The following PPFIA2 variants were observed in gnomAD, a reference collection of about 807,000 sequenced individuals.
The protein encoded by PPFIA2 is PPFI scaffold protein A2, also known as liprin-alpha-2.
Under a neutral mutation model 175.5 loss-of-function variants are expected in PPFIA2, and 46 were observed. The ratio of observed to expected loss-of-function variants is 0.26; its 90% confidence interval spans 0.21 to 0.34. PPFIA2 has a LOEUF of 0.34. Among genes scored for constraint, PPFIA2 ranks in the 10% least tolerant of loss-of-function variants. The pLI, the probability that PPFIA2 is intolerant of heterozygous loss-of-function variation, is 1.00. For missense variants in PPFIA2, 1,179 were observed against 1,506.1 expected (o/e 0.78, Z 3.60); for synonymous variants, 568 against 511.4 (o/e 1.11, Z -1.49).
At chr12:81,635,987 GTATT>G (rs573082461) in intron 4 of PPFIA2, among the ~76,000 whole-genome samples, 5 of 152,082 alleles carry the variant, frequency 3.3e-5, no homozygotes, top group African/African-American at 1.2e-4. Flanking sequence ...TCTTGTATTA[GTATT>G]TATTTATGCA....
Position 81,374,663 on chromosome 12 carries a change from G to T in PPFIA2, c.1237C>A (p.Leu413Met). Residue 413 changes from leucine (L) to methionine (M), a missense_variant, in exon 11 of 33, where the codon CTG (leucine) becomes ATG (methionine). By Grantham distance (15) the Leu-to-Met change is conservative (BLOSUM62 2). This residue lies in a region of PPFIA2 where 66 missense variants were observed against 129.4 expected (regional missense o/e 0.51). Transcript: ENST00000549396. ...AETLPEVEAELAQRIAALTKA... is the reference protein window; with the variant it reads ...AETLPEVEAEMAQRIAALTKA... The stretch of plus-strand genomic sequence containing the variant: ...GTTAGGGCTGCAATTCTCTGAGCCA[G>T]TTCAGCCTCTACTTCAGGCAAGGTT... 1 of 1,613,338 alleles carries T rather than the reference G, an allele frequency of 6.2e-7. No individual in the cohort carries two copies. The highest frequency in any genetic ancestry group is 8.5e-7 in the Non-Finnish European group (1 of 1,179,534).
intron 4 of PPFIA2, among the ~76,000 whole-genome samples, chr12:81,466,904 T>G (rs1332032086): frequency 6.8e-6 from 1 of 147,314 alleles, no homozygotes; most frequent in South Asian, 2.1e-4. Flanking sequence ...AAATATAATA[T>G]ATAATAAATA....
chr12:81,621,565 C>T (rs1408031287), intron 4 of PPFIA2, among the ~76,000 whole-genome samples: 1 of 152,052 alleles, frequency 6.6e-6, no homozygotes, highest in Non-Finnish European at 1.5e-5. Flanking sequence ...GCTAGTTGGC[C>T]ATGTAGATGA....
intron 3 of PPFIA2, among the ~76,000 whole-genome samples, chr12:81,700,982 T>C (rs1241140834): frequency 6.6e-6 from 1 of 152,052 alleles, no homozygotes; most frequent in Non-Finnish European, 1.5e-5. Context: ...GTTTGGAAGA[T>C]AAAGAAGAAA....
chr12:81,294,666 T>C (rs1437334726), intron 24 of PPFIA2, 169 bp downstream of exon 24: 2 of 656,780 alleles, frequency 3.0e-6, no homozygotes, highest in South Asian at 3.8e-5. Context: ...AGTTCCTCAT[T>C]TGAAAACCTA....
rs745858903 is a variant in PPFIA2 at position 81,368,718 on chromosome 12, G to T, written c.1482+7C>A. 1 of 1,603,472 alleles carries T rather than the reference G, an allele frequency of 6.2e-7. No individual in the cohort carries two copies. The highest frequency in any genetic ancestry group is 8.5e-7 in the Non-Finnish European group (1 of 1,175,382). On this transcript the variant is annotated splice_region_variant and intron_variant, in intron 13 of 32. Transcript: ENST00000549396. ...ATTCATGTGATTTTACCCTTCTATC[G>T]TTTTACCTTTTCTTCTAGAGCAGCC...
At chr12:81,581,596 A>T (rs571579602) in intron 4 of PPFIA2, among the ~76,000 whole-genome samples, 7 of 151,650 alleles carry the variant, frequency 4.6e-5, no homozygotes, top group Non-Finnish European at 8.8e-5. Context: ...ACATCATCCT[A>T]TTTATTTTGC....
Position 81,339,325 on chromosome 12 carries a change from A to G in PPFIA2, c.2403T>C (p.Ser801=). The G allele has an allele frequency of 6.3e-7, 1 of 1,582,836 alleles. No homozygotes were observed. Residue 801 remains serine, a synonymous_variant, in exon 21 of 33, where the codon TCT becomes TCC. Coordinates refer to ENST00000549396, the MANE Select transcript of PPFIA2 (RefSeq NM_003625.5). ...SYHNDARSSL[S]VSLEPESLGL... is the part of the protein sequence containing the mutation. ...CGAGGCTTTCTGGCTCAAGAGAGACAGATAAACTACTGCAAAACACAAAAG... is the reference window on the plus strand; with the variant it reads ...CGAGGCTTTCTGGCTCAAGAGAGACGGATAAACTACTGCAAAACACAAAAG...
At chr12:81,611,632 A>C (rs951058191) in intron 4 of PPFIA2, among the ~76,000 whole-genome samples, 2 of 152,106 alleles carry the variant, frequency 1.3e-5, no homozygotes, top group African/African-American at 4.8e-5. Flanking sequence ...TTTGCAGAAC[A>C]GATGTGCCCC....
At chr12:81,443,531 T>C (rs190308686) in intron 6 of PPFIA2, among the ~76,000 whole-genome samples, 1 of 124,606 alleles carries the variant, frequency 8.0e-6, no homozygotes, top group Admixed American at 7.6e-5. Context: ...ACAACAACCA[T>C]TTTTTTCTTA....
At chr12:81,633,363 G>T (rs2063613222) in intron 4 of PPFIA2, among the ~76,000 whole-genome samples, 1 of 152,052 alleles carries the variant, frequency 6.6e-6, no homozygotes, top group Admixed American at 6.5e-5. Flanking sequence ...TCATGTGCTA[G>T]GTACAGGGTT....
chr12:81,751,584 G>A (rs1235602349), intron 3 of PPFIA2, among the ~76,000 whole-genome samples: 1 of 151,060 alleles, frequency 6.6e-6, no homozygotes, highest in Non-Finnish European at 1.5e-5. Flanking sequence ...GAGAGAGAGA[G>A]AGACAAGAAA....
At chr12:81,429,474 TTTCTATTACTTCCCTCTAGGCAAA>T (rs1422974773) in intron 7 of PPFIA2, among the ~76,000 whole-genome samples, 1 of 152,032 alleles carries the variant, frequency 6.6e-6, no homozygotes, top group African/African-American at 2.4e-5. Context: ...CAGATGAGTA[TTTCTATTACTTCCCTCTAGGCAAA>T]TTCCTTAATA....
chr12:81,439,846 T>C, intron 7 of PPFIA2, 126 bp downstream of exon 7: 1 of 823,068 alleles, frequency 1.2e-6, no homozygotes, highest in Non-Finnish European at 1.9e-6. Flanking sequence ...CAACAAGCCT[T>C]GTTCAATGGC....
intron 4 of PPFIA2, among the ~76,000 whole-genome samples, chr12:81,609,667 G>T (rs897318151): frequency 2.4e-4 from 36 of 152,068 alleles, no homozygotes; most frequent in African/African-American, 8.7e-4. Flanking sequence ...TGTGGGTGTT[G>T]TTACATGTGA....
At chr12:81,316,306 A>C (rs1425964072) in intron 22 of PPFIA2, among the ~76,000 whole-genome samples, 1 of 151,644 alleles carries the variant, frequency 6.6e-6, no homozygotes, top group Non-Finnish European at 1.5e-5. Flanking sequence ...AAAAAATACT[A>C]TACAAAGCTT....
intron 4 of PPFIA2, among the ~76,000 whole-genome samples, chr12:81,642,953 T>C (rs928042440): frequency 8.3e-6 from 1 of 119,978 alleles, no homozygotes; most frequent in Non-Finnish European, 1.7e-5. Context: ...ATAATATATG[T>C]AATATACACA....
chr12:81,615,946 A>G (rs1032675080), intron 4 of PPFIA2, among the ~76,000 whole-genome samples: 2 of 152,180 alleles, frequency 1.3e-5, no homozygotes, highest in Non-Finnish European at 2.9e-5. Context: ...GAGAAGAGAA[A>G]GAATCTACAA....
Position 81,347,607 on chromosome 12 carries a change from T to C in PPFIA2, c.2158A>G (p.Ser720Gly), listed in dbSNP as rs780865826. 2.5e-6 allele frequency: 4 copies of C among 1,613,754 alleles called. No homozygotes were observed. Among genetic ancestry groups the C allele is most frequent in the East Asian group, 4.5e-5 (2 of 44,862 alleles). Residue 720 changes from serine (S) to glycine (G), a missense_variant, in exon 18 of 33, where the codon AGT becomes GGT. Transcript: ENST00000549396. ...GTGAGCTTTGGAGTTGAGTGTCCAC[T>C]GGGGGGAGATGAACTGGCCAGCGAT... is the stretch of plus-strand genomic sequence containing the variant. ...ASSLASSSPP[S>G]GHSTPKLTPR...
Sources: gnomAD v4.1 joint callset for allele counts (sites outside exome capture counted in the v4.1 genomes callset) on GRCh38, gnomAD v4.1.1 for gene constraint, gnomAD v4.1.1 regional missense constraint, MANE v1.5 for transcripts, NCBI Gene and HGNC (gene_info 2026-07-23, HGNC 2026-07-21) for gene names.